The following SLC28A3 variants were observed in gnomAD, a reference collection of about 807,000 sequenced individuals.
SLC28A3 encodes the protein solute carrier family 28 member 3, also known as concentrative Na(+)-nucleoside cotransporter 3.
SLC28A3 carries 68 observed loss-of-function variants against 84.2 expected under a neutral mutation model. That is an observed-to-expected ratio of 0.81 (90% CI 0.66 to 0.99). SLC28A3 has a LOEUF of 0.99. SLC28A3 is among the 50% of genes least tolerant of loss of function. The pLI is 0.00. For synonymous variants in SLC28A3, 267 were observed against 303.6 expected (o/e 0.88, Z 1.25); for missense variants, 712 against 841.5 (o/e 0.85, Z 1.90).
rs533870313 is a variant in SLC28A3, at chr9:84,318,143, G to A, written c.61-4689C>T. Reference sequence around the variant, plus strand: ...TAACTTTCTGGCTCAAGTCTCGGGTGTGCATAATCCTTAGTGTGAGTTAAT... The same window carrying A: ...TAACTTTCTGGCTCAAGTCTCGGGTATGCATAATCCTTAGTGTGAGTTAAT... On this transcript the variant is annotated intron_variant, in intron 1 of 17. Coordinates refer to ENST00000376238, the MANE Select transcript of SLC28A3 (RefSeq NM_001199633.2). 3.9e-4 allele frequency among the ~76,000 whole-genome samples: 60 copies of A among 152,262 alleles called. No homozygotes were observed. The South Asian group carries it at 0.011, about 28-fold the overall frequency.
At chr9:84,321,498 C>T (rs1008427448) in intron 1 of SLC28A3, among the ~76,000 whole-genome samples, 3 of 151,876 alleles carry the variant, frequency 2.0e-5, no homozygotes, top group African/African-American at 7.3e-5. Context: ...CTTTGGGAGG[C>T]CGAGGAGGGC....
chr9:84,311,846 T>C (rs1406419069), intron 2 of SLC28A3, among the ~76,000 whole-genome samples: 1 of 152,084 alleles, frequency 6.6e-6, no homozygotes. Flanking sequence ...CAGAGCGAGA[T>C]TCCATCTCAA....
At chr9:84,293,700 A>G (rs1391420659) in intron 9 of SLC28A3, among the ~76,000 whole-genome samples, 1 of 152,150 alleles carries the variant, frequency 6.6e-6, no homozygotes, top group Non-Finnish European at 1.5e-5. Flanking sequence ...GTGTGTATGC[A>G]TGCACGCTCA....
chr9:84,302,186 C>T lies in SLC28A3; in HGVS notation c.524+14G>A. ...ATCTCTCTTAACTGAAATAAGAGAA[C>T]CAATTGCATTTACCACTTCAGCCAG... On this transcript the variant is annotated intron_variant, in intron 5 of 17. Coordinates refer to ENST00000376238, the MANE Select transcript of SLC28A3 (RefSeq NM_001199633.2). 6.2e-7 allele frequency: 1 copy of T among 1,610,596 alleles called. No homozygotes were observed. Among genetic ancestry groups the T allele is most frequent in the African/African-American group, 1.3e-5 (1 of 74,856 alleles).
At chr9:84,361,007 G>A in the SLC28A3 span, among the ~76,000 whole-genome samples, 6 of 152,100 alleles carry the variant, frequency 3.9e-5, no homozygotes, top group Non-Finnish European at 4.4e-5. Context: ...CTTGCTAAAT[G>A]AGCTGATTGT....
chr9:84,305,246 T>C lies in SLC28A3; in HGVS notation c.334+8A>G. The C allele has an allele frequency of 6.2e-7, 1 of 1,607,748 alleles. No individual in the cohort carries two copies. The highest frequency in any genetic ancestry group is 8.5e-7 in the Non-Finnish European group (1 of 1,177,994). On this transcript the variant is annotated splice_region_variant and intron_variant, in intron 4 of 17. Transcript: ENST00000376238. Reference sequence around the variant, plus strand: ...ACAGTGGTATCCCTAACCATCTTTGTTATTTACCTGCTAATAAAATGCCCC... The same window carrying C: ...ACAGTGGTATCCCTAACCATCTTTGCTATTTACCTGCTAATAAAATGCCCC...
the SLC28A3 span, among the ~76,000 whole-genome samples, chr9:84,357,518 A>G: frequency 2.6e-5 from 4 of 151,916 alleles, no homozygotes; most frequent in Non-Finnish European, 4.4e-5. Context: ...TGTTGGTCTA[A>G]ATGGGCATGG....
chr9:84,303,847 A>G (rs191708579), intron 4 of SLC28A3, among the ~76,000 whole-genome samples: 43 of 152,272 alleles, frequency 2.8e-4, no homozygotes, highest in African/African-American at 9.1e-4. Flanking sequence ...ACAAATCTCA[A>G]TTGTGCATGT....
chr9:84,362,659 T>TA, the SLC28A3 span, among the ~76,000 whole-genome samples: 1,513 of 145,494 alleles, frequency 0.01, 20 homozygotes, highest in East Asian at 0.048. Flanking sequence ...ATAAATAAGT[T>TA]AATAAATAAA....
the SLC28A3 span, among the ~76,000 whole-genome samples, chr9:84,348,319 ACTCCAGC>A: frequency 6.9e-6 from 1 of 144,886 alleles, no homozygotes; most frequent in Admixed American, 7.2e-5. Flanking sequence ...ACAGCACTGC[ACTCCAGC>A]CTGAGTGACG....
chr9:84,323,894 C>G (rs756702447), intron 1 of SLC28A3, among the ~76,000 whole-genome samples: 1 of 152,154 alleles, frequency 6.6e-6, no homozygotes, highest in African/African-American at 2.4e-5. Flanking sequence ...GGCCACTGAT[C>G]TCTCGCCAAG....
the SLC28A3 span, among the ~76,000 whole-genome samples, chr9:84,364,028 G>A: frequency 2.0e-5 from 3 of 151,854 alleles, no homozygotes; most frequent in Non-Finnish European, 4.4e-5. Flanking sequence ...TTTTGATACA[G>A]GCATGCAATA....
At chr9:84,326,027 A>AC (rs1826536181) in intron 1 of SLC28A3, among the ~76,000 whole-genome samples, 1 of 152,214 alleles carries the variant, frequency 6.6e-6, no homozygotes, top group South Asian at 2.1e-4. Context: ...TCAAAGATCC[A>AC]GAATCGTGGC....
At position 84,285,980 on chromosome 9, in the gene SLC28A3, A is replaced by C; in HGVS notation, c.1412T>G (p.Phe471Cys). 6.2e-7 allele frequency: 1 copy of C among 1,614,070 alleles called. No individual in the cohort carries two copies. The highest frequency in any genetic ancestry group is 8.5e-7 in the Non-Finnish European group (1 of 1,179,980). Residue 471 changes from phenylalanine to cysteine, a missense_variant, in exon 13 of 18, where the codon TTT becomes TGT. Transcript: ENST00000376238. ...LSFMNSALSW[F>C]GNMFDYPQLS... ...CTGTGGGTAGTCAAACATGTTTCCA[A>C]ACCAGGACAGGGCTGAATTCATAAA... is the stretch of plus-strand genomic sequence containing the variant.
At chr9:84,343,666 GAAATTC>G (rs1248370072), upstream of SLC28A3, among the ~76,000 whole-genome samples, 26 of 152,180 alleles carry the variant, frequency 1.7e-4, no homozygotes, top group Admixed American at 1.7e-3. Context: ...AAAGTTATAT[GAAATTC>G]AAACTTCAGT....
chr9:84,306,363 C>T (rs10868141), intron 3 of SLC28A3, among the ~76,000 whole-genome samples: 31,253 of 152,072 alleles, frequency 0.21, 3,405 homozygotes, highest in African/African-American at 0.28. Context: ...CCAACAGTCT[C>T]GCCTGCACCT....
Position 84,293,805 on chromosome 9 carries a change from C to T in SLC28A3, c.942+390G>A, listed in dbSNP as rs562199118. Among the ~76,000 whole-genome samples the T allele has an allele frequency of 5.9e-5, 9 of 152,228 alleles. No homozygotes were observed. In the South Asian group the frequency reaches 1.7e-3, roughly 28 times the overall value. ...AAACCAGAAGTGTCTACTTTTGTAA[C>T]CTCCTTAAGCAAGGTAGCATACAAT... On this transcript the variant is annotated intron_variant, in intron 9 of 17. Transcript: ENST00000376238.
chr9:84,336,564 T>C (rs1207201701), intron 1 of SLC28A3, among the ~76,000 whole-genome samples: 1 of 152,106 alleles, frequency 6.6e-6, no homozygotes, highest in Non-Finnish European at 1.5e-5. Context: ...TAGTCCTAGC[T>C]ACTCAGGAGG....
the SLC28A3 span, among the ~76,000 whole-genome samples, chr9:84,351,106 C>G: frequency 3.3e-5 from 5 of 152,084 alleles, no homozygotes; most frequent in Non-Finnish European, 7.4e-5. Flanking sequence ...TATGGCTATA[C>G]AAAAATATTT....
Sources: gnomAD v4.1 joint callset for allele counts (sites outside exome capture counted in the v4.1 genomes callset) on GRCh38, gnomAD v4.1.1 for gene constraint, MANE v1.5 for transcripts, NCBI Gene and HGNC (gene_info 2026-07-23, HGNC 2026-07-21) for gene names.